CACNB2: variants seen among roughly 807,000 people sequenced by gnomAD.
CACNB2 encodes the protein voltage-dependent L-type calcium channel subunit beta-2.
Under a neutral mutation model 73.3 loss-of-function variants are expected in CACNB2, and 42 were observed. That is an observed-to-expected ratio of 0.57 (90% CI 0.45 to 0.74). The LOEUF (loss-of-function observed/expected upper bound fraction) is 0.74. Ranked by LOEUF, CACNB2 falls within the 30% of genes least tolerant of loss-of-function variation. CACNB2 has a pLI of 0.00. For synonymous variants in CACNB2, 348 were observed against 310.3 expected (o/e 1.12, Z -1.28); for missense variants, 940 against 853.0 (o/e 1.10, Z -1.27).
chr10:18,355,941 T>C (rs923071118), intron 2 of CACNB2, among the ~76,000 whole-genome samples: 1 of 152,052 alleles, frequency 6.6e-6, no homozygotes, highest in Non-Finnish European at 1.5e-5. Context: ...CGGCCTCTGA[T>C]TTTTTATTCT....
intron 2 of CACNB2, among the ~76,000 whole-genome samples, chr10:18,159,842 A>G (rs929161756): frequency 6.6e-6 from 1 of 152,184 alleles, no homozygotes; most frequent in African/African-American, 2.4e-5. Flanking sequence ...ATGCGTCACA[A>G]ACACACTATA....
chr10:18,429,577 G>C (rs1195853104), intron 3 of CACNB2, among the ~76,000 whole-genome samples: 1 of 151,636 alleles, frequency 6.6e-6, no homozygotes, highest in Admixed American at 6.6e-5. Context: ...CTGTAATCCT[G>C]GCACTTTGGG....
chr10:18,229,024 G>A (rs1469755792), intron 2 of CACNB2, among the ~76,000 whole-genome samples: 2 of 152,212 alleles, frequency 1.3e-5, no homozygotes, highest in Non-Finnish European at 2.9e-5. Flanking sequence ...TTACAGGCAT[G>A]AGCCACCGCA....
chr10:18,457,616 C>T (rs1335894200), intron 3 of CACNB2, among the ~76,000 whole-genome samples: 4 of 151,982 alleles, frequency 2.6e-5, no homozygotes, highest in Admixed American at 6.6e-5. Context: ...GAGGGCCGGT[C>T]GCGGTGGCTC....
At chr10:18,402,814 C>T (rs999216216) in intron 3 of CACNB2, among the ~76,000 whole-genome samples, 10 of 152,144 alleles carry the variant, frequency 6.6e-5, no homozygotes, top group Non-Finnish European at 1.2e-4. Context: ...CTCAATGAAC[C>T]TATTTTAACA....
At chr10:18,189,076 C>T (rs1261676972) in intron 2 of CACNB2, among the ~76,000 whole-genome samples, 1 of 152,154 alleles carries the variant, frequency 6.6e-6, no homozygotes, top group Non-Finnish European at 1.5e-5. Context: ...ATCCTCTTGC[C>T]TCCGCCTCCC....
intron 6 of CACNB2, among the ~76,000 whole-genome samples, chr10:18,512,132 G>A (rs1472011393): frequency 6.6e-6 from 1 of 152,058 alleles, no homozygotes; most frequent in African/African-American, 2.4e-5. Flanking sequence ...ATTTTCAGGT[G>A]GAACAATGGG....
At chr10:18,467,638 T>C (rs2132723755) in intron 3 of CACNB2, among the ~76,000 whole-genome samples, 1 of 152,214 alleles carries the variant, frequency 6.6e-6, no homozygotes, top group South Asian at 2.1e-4. Flanking sequence ...AATTGGAAAA[T>C]AATTTACTAT....
At chr10:18,531,986 A>AGTTT (rs1331827829) in intron 10 of CACNB2, 1 of 152,230 alleles carries the variant, frequency 6.6e-6, no homozygotes, top group African/African-American at 2.4e-5. Context: ...ATTGACTTTC[A>AGTTT]GTTTCAGAAA....
chr10:18,255,124 A>G (rs532969029), intron 2 of CACNB2, among the ~76,000 whole-genome samples: 6 of 152,148 alleles, frequency 3.9e-5, no homozygotes, highest in Admixed American at 1.3e-4. Context: ...CACAAATCTG[A>G]TCATGCCTCT....
chr10:18,148,946 A>G (rs2131019905), intron 1 of CACNB2, among the ~76,000 whole-genome samples: 1 of 150,806 alleles, frequency 6.6e-6, no homozygotes, highest in Non-Finnish European at 1.5e-5. Context: ...TCAAGGCTGC[A>G]GTGAGCCATG....
rs537300198 is a variant in CACNB2, at chr10:18,265,321, C to T, written c.213+114346C>T. Among the ~76,000 whole-genome samples, 424 of 151,916 alleles carry T rather than the reference C, an allele frequency of 2.8e-3. 5 individuals carry two copies. The highest frequency in any genetic ancestry group is 9.8e-3 in the African/African-American group (406 of 41,422). On this transcript the variant is annotated intron_variant, in intron 2 of 13. Transcript: ENST00000324631. Reference sequence around the variant, plus strand: ...CTAATTTTTGTATTTTTGGTAGAGACGGGGTTTCACCATATTGGCCAGGCT... The same window carrying T: ...CTAATTTTTGTATTTTTGGTAGAGATGGGGTTTCACCATATTGGCCAGGCT...
intron 2 of CACNB2, among the ~76,000 whole-genome samples, chr10:18,183,626 G>A (rs952962009): frequency 1.3e-5 from 2 of 152,236 alleles, no homozygotes; most frequent in South Asian, 2.1e-4. Flanking sequence ...CATGAGAACA[G>A]CATGGGAAAA....
In CACNB2 at chr10:18,382,302, T is replaced by G. The variant is rs191048246; in HGVS notation, c.214-19622T>G. 2.4e-4 allele frequency among the ~76,000 whole-genome samples: 37 copies of G among 152,212 alleles called. No homozygotes were observed. In the East Asian group the frequency reaches 2.7e-3, roughly 11 times the overall value. On this transcript the variant is annotated intron_variant, in intron 2 of 13. Transcript: ENST00000324631. ...GTATATCACTCCAGAACTGCCTTTTTTCTCTGCTTAGACAGTTGTATCTTT... is the reference window on the plus strand; with the variant it reads ...GTATATCACTCCAGAACTGCCTTTTGTCTCTGCTTAGACAGTTGTATCTTT...
intron 2 of CACNB2, among the ~76,000 whole-genome samples, chr10:18,217,338 A>G (rs1757215): frequency 0.67 from 101,141 of 151,712 alleles, 35,674 homozygotes; most frequent in Non-Finnish European, 0.79. Flanking sequence ...ACAAAAATTA[A>G]CCAGGCAGAG....
At chr10:18,451,528 G>C (rs1327237808) in intron 3 of CACNB2, among the ~76,000 whole-genome samples, 1 of 152,166 alleles carries the variant, frequency 6.6e-6, no homozygotes, top group Non-Finnish European at 1.5e-5. Context: ...AAGTTTTTCT[G>C]ATTTGGTGTA....
chr10:18,225,488 G>A (rs2035953089), intron 2 of CACNB2, among the ~76,000 whole-genome samples: 1 of 152,112 alleles, frequency 6.6e-6, no homozygotes, highest in Admixed American at 6.6e-5. Flanking sequence ...GGCAGGCTCT[G>A]TGTTAGTCTT....
intron 2 of CACNB2, among the ~76,000 whole-genome samples, chr10:18,314,662 ACTGT>A (rs2040090642): frequency 1.3e-5 from 2 of 152,168 alleles, no homozygotes. Context: ...CCATTCAAAA[ACTGT>A]CTGCCATACA....
chr10:18,178,886 G>T (rs1327328777), intron 2 of CACNB2, among the ~76,000 whole-genome samples: 2 of 152,200 alleles, frequency 1.3e-5, no homozygotes, highest in East Asian at 3.9e-4. Context: ...GGAGATGCTT[G>T]GGCATTTCTG....
Sources: gnomAD v4.1 joint callset for allele counts (sites outside exome capture counted in the v4.1 genomes callset) on GRCh38, gnomAD v4.1.1 for gene constraint, MANE v1.5 for transcripts, NCBI Gene and HGNC (gene_info 2026-07-23, HGNC 2026-07-21) for gene names.